The following DOCK8 variants were observed in gnomAD, a reference collection of about 807,000 sequenced individuals.
DOCK8 encodes dedicator of cytokinesis protein 8.
Under a neutral mutation model 245.6 loss-of-function variants are expected in DOCK8, and 141 were observed. That is an observed-to-expected ratio of 0.57 (90% CI 0.50 to 0.66). The LOEUF is 0.66. Ranked by LOEUF, DOCK8 falls within the 30% of genes least tolerant of loss-of-function variation. The pLI is 0.00. For synonymous variants in DOCK8, 1,168 were observed against 970.2 expected (o/e 1.20, Z -3.79); for missense variants, 2,965 against 2,603.4 (o/e 1.14, Z -3.02).
intron 2 of DOCK8, among the ~76,000 whole-genome samples, chr9:284,874 A>G (rs1470639479): frequency 1.3e-5 from 2 of 152,220 alleles, no homozygotes; most frequent in Non-Finnish European, 2.9e-5. Context: ...TCTCACTTAT[A>G]AGTGGGAGCT....
At chr9:404,090 G>A (rs2055304711) in intron 26 of DOCK8, among the ~76,000 whole-genome samples, 1 of 150,766 alleles carries the variant, frequency 6.6e-6, no homozygotes, top group African/African-American at 2.4e-5. Context: ...ATATTTCTGT[G>A]CTGGGGTGGG....
At chr9:356,739 C>G (rs1460921723) in intron 14 of DOCK8, among the ~76,000 whole-genome samples, 1 of 151,928 alleles carries the variant, frequency 6.6e-6, no homozygotes, top group Admixed American at 6.6e-5. Flanking sequence ...GTGAGTAAAC[C>G]AATTCATACT....
chr9:313,645 G>A (rs1395744792), intron 6 of DOCK8, among the ~76,000 whole-genome samples: 1 of 152,228 alleles, frequency 6.6e-6, no homozygotes, highest in Non-Finnish European at 1.5e-5. Context: ...AGGCCACAAA[G>A]TCTCAGGCGG....
chr9:339,655 C>T (rs891281494), intron 13 of DOCK8, among the ~76,000 whole-genome samples: 2 of 152,204 alleles, frequency 1.3e-5, no homozygotes, highest in Non-Finnish European at 2.9e-5. Context: ...GCTGGGACTA[C>T]AGGTGCCTGC....
intron 39 of DOCK8, 101 bp downstream of exon 39, chr9:435,076 G>A (rs995357004): frequency 7.0e-7 from 1 of 1,436,050 alleles, no homozygotes; most frequent in Non-Finnish European, 9.5e-7. Context: ...ATACATTTTT[G>A]GTTATCACAA....
chr9:386,957 C>T (rs767547980), intron 23 of DOCK8, among the ~76,000 whole-genome samples: 154 of 152,266 alleles, frequency 1.0e-3, no homozygotes, highest in Non-Finnish European at 1.9e-3. Context: ...AGTTCAGAAA[C>T]TTTAAAAGCT....
At chr9:234,879 A>T (rs2047209019) in intron 1 of DOCK8, among the ~76,000 whole-genome samples, 1 of 152,090 alleles carries the variant, frequency 6.6e-6, no homozygotes, top group African/African-American at 2.4e-5. Context: ...GATCGTCTGA[A>T]GCCTTCTTCT....
chr9:337,537 GCAAGTTTC>G (rs1449343813), intron 12 of DOCK8, among the ~76,000 whole-genome samples: 1 of 152,146 alleles, frequency 6.6e-6, no homozygotes, highest in African/African-American at 2.4e-5. Flanking sequence ...CTATTCATGT[GCAAGTTTC>G]CACTTTCACT....
chr9:259,798 G>T (rs947585991), intron 1 of DOCK8, among the ~76,000 whole-genome samples: 3 of 152,326 alleles, frequency 2.0e-5, no homozygotes, highest in Non-Finnish European at 4.4e-5. Flanking sequence ...ATTGTTTGGT[G>T]GTCCCAGGAG....
At chr9:286,357 A>G (rs939581576) in intron 2 of DOCK8, 104 bp from the exon 3 acceptor site, 1 of 1,327,624 alleles carries the variant, frequency 7.5e-7, no homozygotes, top group Non-Finnish European at 1.1e-6. Flanking sequence ...GGAGCGAAGT[A>G]CTTACTAAGT....
Position 312,139 on chromosome 9 carries a change from C to G in DOCK8, c.714C>G (p.Leu238=). Residue 238 remains leucine, a synonymous_variant, in exon 6 of 48, where the codon CTC becomes CTG. Coordinates refer to ENST00000432829, the MANE Select transcript of DOCK8 (RefSeq NM_203447.4). ...EARRTNRQAE[L]FALYPSVDEE... ...GGAGGACCAATAGGCAGGCCGAGCT[C>G]TTTGCCCTTTACCCATCAGTGGACG... 1 of 1,614,210 alleles carries G rather than the reference C, an allele frequency of 6.2e-7. No homozygotes were observed. Among genetic ancestry groups the G allele is most frequent in the Non-Finnish European group, 8.5e-7 (1 of 1,180,026 alleles).
At chr9:377,243 G>A in intron 20 of DOCK8, 32 bp downstream of exon 20, 3 of 1,530,032 alleles carry the variant, frequency 2.0e-6, no homozygotes, top group Non-Finnish European at 2.6e-6. Context: ...CTGGGAGGAG[G>A]CAGGAGCAAG....
At chr9:282,438 A>G (rs1404225264) in intron 2 of DOCK8, among the ~76,000 whole-genome samples, 2 of 110,554 alleles carry the variant, frequency 1.8e-5, no homozygotes, top group South Asian at 5.2e-4. Context: ...TTGGTTTTCT[A>G]GAGACAGGGT....
Position 362,455 on chromosome 9 carries a change from A to G in DOCK8, c.1680-5563A>G, listed in dbSNP as rs75004257. 3.6e-3 allele frequency among the ~76,000 whole-genome samples: 552 copies of G among 152,284 alleles called. 4 individuals are homozygous for G. Among genetic ancestry groups the G allele is most frequent in the African/African-American group, 0.013 (541 of 41,556 alleles). On this transcript the variant is annotated intron_variant, in intron 14 of 47. Coordinates refer to ENST00000432829, the MANE Select transcript of DOCK8 (RefSeq NM_203447.4). The stretch of plus-strand genomic sequence containing the variant: ...GCCCACTTGCCTTAAAGGGTGCAGC[A>G]TCTTCCAACTTTGCTCCAGCAACTT...
Position 441,572 on chromosome 9 carries a change from T to C in DOCK8, c.5355+155T>C, listed in dbSNP as rs111932191. Among the ~76,000 whole-genome samples, 643 of 152,344 alleles carry C rather than the reference T, an allele frequency of 4.2e-3. 5 individuals are homozygous for C. The highest frequency in any genetic ancestry group is 0.014 in the African/African-American group (601 of 41,584). ...AAACAGAAAAGGGCTGAAATTCTTC[T>C]AACAGAGGACCAAAATTCCATATGT... On this transcript the variant is annotated intron_variant, in intron 41 of 47. Transcript: ENST00000432829.
chr9:251,963 TTG>T (rs2047658522), intron 1 of DOCK8, among the ~76,000 whole-genome samples: 1 of 144,342 alleles, frequency 6.9e-6, no homozygotes, highest in Non-Finnish European at 1.5e-5. Context: ...GCGAGAGCAA[TTG>T]TGTTTTCTTT....
intron 7 of DOCK8, among the ~76,000 whole-genome samples, chr9:319,274 C>A (rs998408247): frequency 6.6e-6 from 1 of 152,112 alleles, no homozygotes; most frequent in Admixed American, 6.5e-5. Context: ...CAGAGTGAGA[C>A]CCTGTCTCTA....
intron 21 of DOCK8, 109 bp from the exon 22 acceptor site, chr9:382,404 C>G: frequency 6.7e-7 from 1 of 1,482,808 alleles, no homozygotes; most frequent in East Asian, 2.3e-5. Flanking sequence ...ATTCCAAGGC[C>G]TAATCCGGTG....
upstream of DOCK8, chr9:214,349 C>G: frequency 2.9e-6 from 2 of 682,502 alleles, no homozygotes; most frequent in South Asian, 3.9e-5. Context: ...ATGTTTATTC[C>G]TTGGATGAAT....
Sources: gnomAD v4.1 joint callset for allele counts (sites outside exome capture counted in the v4.1 genomes callset) on GRCh38, gnomAD v4.1.1 for gene constraint, MANE v1.5 for transcripts, NCBI Gene and HGNC (gene_info 2026-07-23, HGNC 2026-07-21) for gene names.